The following CBFA2T2 variants were observed in gnomAD, a reference collection of about 807,000 sequenced individuals.
The protein encoded by CBFA2T2 is protein CBFA2T2.
Under a neutral mutation model 62.2 loss-of-function variants are expected in CBFA2T2, and 11 were observed. The ratio of observed to expected loss-of-function variants is 0.18; its 90% CI spans 0.11 to 0.29. CBFA2T2 has a LOEUF of 0.29. Among genes scored for constraint, CBFA2T2 ranks in the 10% least tolerant of loss-of-function variants. The probability of loss-of-function intolerance (pLI) is 1.00; values close to 1 mark genes in which losing one functional copy is unlikely to be tolerated. For missense variants in CBFA2T2, 592 were observed against 774.1 expected (o/e 0.76, Z 2.79); for synonymous variants, 295 against 287.5 (o/e 1.03, Z -0.27).
intron 1 of CBFA2T2, among the ~76,000 whole-genome samples, chr20:33,538,381 T>C (rs77140522): frequency 1.1e-3 from 165 of 150,652 alleles, no homozygotes; most frequent in African/African-American, 3.5e-3. Context: ...TCTTTTTCCT[T>C]TTTTTTTTGA....
intron 1 of CBFA2T2, among the ~76,000 whole-genome samples, chr20:33,519,240 T>C (rs2011663937): frequency 6.6e-6 from 1 of 152,034 alleles, no homozygotes; most frequent in Non-Finnish European, 1.5e-5. Flanking sequence ...GAGGCCAAGA[T>C]GGGCAGATCA....
intron 1 of CBFA2T2, among the ~76,000 whole-genome samples, chr20:33,592,138 G>A (rs1163876211): frequency 2.6e-5 from 4 of 151,900 alleles, no homozygotes; most frequent in African/African-American, 7.3e-5. Context: ...TGAGGTGGGC[G>A]GATCACGTGA....
intron 1 of CBFA2T2, among the ~76,000 whole-genome samples, chr20:33,496,016 C>T (rs966525175): frequency 5.9e-5 from 9 of 152,076 alleles, no homozygotes; most frequent in African/African-American, 1.4e-4. Flanking sequence ...TAGGAGGGGC[C>T]GTGCACAAGT....
intron 3 of CBFA2T2, among the ~76,000 whole-genome samples, chr20:33,614,874 GC>G (rs1423763589): frequency 1.3e-5 from 2 of 152,186 alleles, no homozygotes; most frequent in Non-Finnish European, 2.9e-5. Flanking sequence ...GAAACTGTTT[GC>G]CATCCAGGGT....
intron 1 of CBFA2T2, among the ~76,000 whole-genome samples, chr20:33,563,511 T>G (rs1438520648): frequency 6.6e-6 from 1 of 152,096 alleles, no homozygotes; most frequent in Non-Finnish European, 1.5e-5. Context: ...CCTGGCCACT[T>G]TTTACTGTTT....
intron 1 of CBFA2T2, among the ~76,000 whole-genome samples, chr20:33,532,999 A>G (rs1201772726): frequency 6.6e-6 from 1 of 152,122 alleles, no homozygotes; most frequent in Admixed American, 6.6e-5. Context: ...TTCAAACTGC[A>G]TGGAATCCTC....
chr20:33,627,697 TAAACA>T (rs2122348740), intron 6 of CBFA2T2, among the ~76,000 whole-genome samples: 1 of 152,270 alleles, frequency 6.6e-6, no homozygotes, highest in African/African-American at 2.4e-5. Flanking sequence ...TATACTGAAA[TAAACA>T]GATTATCACA....
intron 1 of CBFA2T2, among the ~76,000 whole-genome samples, chr20:33,499,368 A>G (rs2011242311): frequency 6.6e-6 from 1 of 152,234 alleles, no homozygotes; most frequent in South Asian, 2.1e-4. Flanking sequence ...TTGGAGGCTA[A>G]TGAAGAAGAA....
chr20:33,545,470 T>TTTCTTTCTTTCTTTCTTTCTTTCTTTCC (rs1209263074), intron 1 of CBFA2T2, among the ~76,000 whole-genome samples: 2 of 151,326 alleles, frequency 1.3e-5, no homozygotes, highest in Admixed American at 6.6e-5. Context: ...TCTTTCTTTC[T>TTTCTTTCTTTCTTTCTTTCTTTCTTTCC]TTCGTTCGTT....
chr20:33,530,180 C>T (rs1281451967), intron 1 of CBFA2T2, among the ~76,000 whole-genome samples: 1 of 152,076 alleles, frequency 6.6e-6, no homozygotes, highest in Non-Finnish European at 1.5e-5. Flanking sequence ...CTGCCATGGC[C>T]TCTGAAAGTG....
chr20:33,524,047 CTT>C (rs1252851692), intron 1 of CBFA2T2, among the ~76,000 whole-genome samples: 1 of 151,752 alleles, frequency 6.6e-6, no homozygotes, highest in East Asian at 1.9e-4. Context: ...TTAGAGCAGA[CTT>C]CAGTTTTTTG....
At position 33,623,180 on chromosome 20, in the gene CBFA2T2, C is replaced by T. The variant is rs768639221; in HGVS notation, c.576C>T (p.Ser192=). Reference sequence around the variant, plus strand: ...CTCGGGCGGCCAAGCAGACCCCATCCCAGTACCTGGCTCAGCACGAACACC... The same window carrying T: ...CTCGGGCGGCCAAGCAGACCCCATCTCAGTACCTGGCTCAGCACGAACACC... ...HCARAAKQTP[S]QYLAQHEHLL... is the part of the protein sequence containing the mutation. Residue 192 remains serine (S), a synonymous_variant, in exon 5 of 11, where the codon TCC becomes TCT. Coordinates refer to ENST00000342704, the MANE Select transcript of CBFA2T2 (RefSeq NM_001032999.3). 3.7e-5 allele frequency: 59 copies of T among 1,614,140 alleles called. No homozygotes were observed. The highest frequency in any genetic ancestry group is 4.7e-5 in the Non-Finnish European group (56 of 1,180,044).
chr20:33,632,211 G>A (rs1339636575), intron 8 of CBFA2T2, among the ~76,000 whole-genome samples: 2 of 151,936 alleles, frequency 1.3e-5, no homozygotes, highest in East Asian at 3.9e-4. Context: ...GCCTGGCTAC[G>A]TTTTGTATTT....
chr20:33,642,659 G>T (rs2016900845), intron 10 of CBFA2T2, among the ~76,000 whole-genome samples: 1 of 152,002 alleles, frequency 6.6e-6, no homozygotes, highest in Admixed American at 6.6e-5. Flanking sequence ...GAGGGGGAAA[G>T]AAAAGAGAAT....
chr20:33,625,512 C>T (rs2016189595), intron 6 of CBFA2T2, among the ~76,000 whole-genome samples: 2 of 152,164 alleles, frequency 1.3e-5, no homozygotes, highest in African/African-American at 4.8e-5. Context: ...ATCGCCTATT[C>T]TCAGATGGTT....
intron 1 of CBFA2T2, among the ~76,000 whole-genome samples, chr20:33,510,258 T>G (rs1328662585): frequency 6.6e-6 from 1 of 151,294 alleles, no homozygotes; most frequent in African/African-American, 2.4e-5. Flanking sequence ...TCGCCCAGAC[T>G]GGAGTGCAGT....
intron 1 of CBFA2T2, chr20:33,574,027 G>A (rs1218996496): frequency 9.9e-5 from 117 of 1,183,168 alleles, no homozygotes; most frequent in East Asian, 2.5e-4. Context: ...GGGCTAAAGC[G>A]ATCTTCCCAT....
intron 1 of CBFA2T2, among the ~76,000 whole-genome samples, chr20:33,510,751 C>T (rs1016957552): frequency 6.6e-6 from 1 of 152,124 alleles, no homozygotes; most frequent in Non-Finnish European, 1.5e-5. Flanking sequence ...CACTCCCACC[C>T]ACAGTGTAAA....
Position 33,497,166 on chromosome 20 carries a change from A to G in CBFA2T2, c.34+6865A>G, listed in dbSNP as rs748141027. On this transcript the variant is annotated intron_variant, in intron 1 of 10. Coordinates refer to ENST00000342704, the MANE Select transcript of CBFA2T2 (RefSeq NM_001032999.3). ...TGCATGCCTGTAGTTCCAGCTACTC[A>G]GGAGGCTGAGGCAGGAGAATTGCTT... Among the ~76,000 whole-genome samples the G allele has an allele frequency of 3.3e-5, 5 of 149,810 alleles. No homozygotes were observed. The South Asian group carries it at 6.4e-4, about 19-fold the overall frequency.
Sources: allele counts gnomAD v4.1 joint callset (sites outside exome capture counted in the v4.1 genomes callset), GRCh38; gene constraint gnomAD v4.1.1; transcripts MANE v1.5; gene names NCBI Gene and HGNC (gene_info 2026-07-23, HGNC 2026-07-21).